Variants in PDE4B observed in about 807,000 individuals in gnomAD.
The protein encoded by PDE4B is phosphodiesterase 4B.
Under a neutral mutation model 82.2 loss-of-function variants are expected in PDE4B, and 20 were observed. That is an observed-to-expected ratio of 0.24 (90% CI 0.17 to 0.35). The LOEUF is 0.35. Ranked by LOEUF, PDE4B falls within the 10% of genes least tolerant of loss-of-function variation. The probability of loss-of-function intolerance (pLI) is 1.00; values close to 1 mark genes in which losing one functional copy is unlikely to be tolerated. For synonymous variants in PDE4B, 320 were observed against 318.9 expected (o/e 1.00, Z -0.04); for missense variants, 655 against 907.2 (o/e 0.72, Z 3.57).
intron 1 of PDE4B, among the ~76,000 whole-genome samples, chr1:65,892,481 C>T (rs989278144): frequency 6.6e-6 from 1 of 152,066 alleles, no homozygotes; most frequent in Admixed American, 6.6e-5. Context: ...TCTTGAAAGT[C>T]ATGATGTCTT....
intron 3 of PDE4B, among the ~76,000 whole-genome samples, chr1:66,208,935 A>G (rs1649793537): frequency 6.6e-6 from 1 of 152,184 alleles, no homozygotes; most frequent in Non-Finnish European, 1.5e-5. Context: ...TGTATGCCCA[A>G]ATTTCTTAAT....
chr1:66,372,739 G>T lies in PDE4B; in HGVS notation c.*61G>T. ...TGATGAGCATGCCAGCTATGTGGTAGGGCCAGCCCACCATGGGGGCCAAGA... is the reference window on the plus strand; with the variant it reads ...TGATGAGCATGCCAGCTATGTGGTATGGCCAGCCCACCATGGGGGCCAAGA... On this transcript the variant is annotated 3_prime_UTR_variant, in exon 17 of 17. Coordinates refer to ENST00000341517, the MANE Select transcript of PDE4B (RefSeq NM_002600.4). 6.5e-7 allele frequency: 1 copy of T among 1,540,966 alleles called. No individual in the cohort carries two copies. Among genetic ancestry groups the T allele is most frequent in the Non-Finnish European group, 8.8e-7 (1 of 1,139,004 alleles).
intron 3 of PDE4B, among the ~76,000 whole-genome samples, chr1:66,193,866 C>T (rs1290127103): frequency 6.6e-6 from 1 of 151,810 alleles, no homozygotes; most frequent in African/African-American, 2.4e-5. Flanking sequence ...AGTCACTGAG[C>T]TGGAAAGAAA....
chr1:65,808,527 T>G (rs1428535947), intron 1 of PDE4B, among the ~76,000 whole-genome samples: 1 of 152,186 alleles, frequency 6.6e-6, no homozygotes, highest in Non-Finnish European at 1.5e-5. Flanking sequence ...GAATAGTAAG[T>G]CTAGACAATT....
intron 1 of PDE4B, among the ~76,000 whole-genome samples, chr1:65,847,744 G>A (rs995599271): frequency 3.9e-5 from 6 of 152,166 alleles, no homozygotes; most frequent in African/African-American, 7.2e-5. Context: ...GGGAAAGTCC[G>A]GAAAGGTGGC....
At chr1:66,178,240 C>A (rs536380538) in intron 3 of PDE4B, among the ~76,000 whole-genome samples, 1 of 151,890 alleles carries the variant, frequency 6.6e-6, no homozygotes, top group Admixed American at 6.6e-5. Context: ...TACTCTATGC[C>A]AATTTAGGGT....
At chr1:66,116,580 C>T (rs111587213) in intron 3 of PDE4B, among the ~76,000 whole-genome samples, 4,330 of 152,196 alleles carry the variant, frequency 0.028, 222 homozygotes, top group African/African-American at 0.098. Context: ...GCCCACCACC[C>T]CATGCAAGAT....
intron 3 of PDE4B, among the ~76,000 whole-genome samples, chr1:66,104,045 G>T (rs549758812): frequency 6.6e-6 from 1 of 151,102 alleles, no homozygotes; most frequent in Non-Finnish European, 1.5e-5. Context: ...CCATTAACTC[G>T]TCATTTAGCA....
In PDE4B at chr1:66,188,528, G is replaced by A. The variant is rs567521998; in HGVS notation, c.282-58932G>A. Among the ~76,000 whole-genome samples, 4 of 152,002 alleles carry A rather than the reference G, an allele frequency of 2.6e-5. No homozygotes were observed. In the South Asian group the frequency reaches 8.4e-4, roughly 32 times the overall value. ...ATGAATCTGGGTGCTCCTGTATTGG[G>A]TGCATATATATTTAGGATAGTTAGC... On this transcript the variant is annotated intron_variant, in intron 3 of 16. Coordinates refer to ENST00000341517, the MANE Select transcript of PDE4B (RefSeq NM_002600.4).
chr1:66,304,438 T>A (rs899044375), intron 7 of PDE4B, among the ~76,000 whole-genome samples: 17 of 152,162 alleles, frequency 1.1e-4, no homozygotes, highest in Non-Finnish European at 2.9e-5. Flanking sequence ...ATCTTTCCTA[T>A]GTTCTCCATC....
In PDE4B at chr1:66,335,276, C is replaced by T. The variant is rs144192339; in HGVS notation, c.747+2656C>T. On this transcript the variant is annotated intron_variant, in intron 8 of 16. Coordinates refer to ENST00000341517, the MANE Select transcript of PDE4B (RefSeq NM_002600.4). ...TGTGTTCCTAGTTCTGTTTCAGCTA[C>T]GTGGCCACTAAGTTTTGTTTGCAAT... Among the ~76,000 whole-genome samples the T allele has an allele frequency of 1.8e-4, 27 of 152,302 alleles. No homozygotes were observed. The East Asian group carries it at 3.7e-3, about 21-fold the overall frequency.
chr1:65,911,976 T>C (rs1228753126), intron 1 of PDE4B, among the ~76,000 whole-genome samples: 2 of 151,954 alleles, frequency 1.3e-5, no homozygotes, highest in South Asian at 4.2e-4. Flanking sequence ...AATCTATATA[T>C]ATCTTCATGC....
intron 3 of PDE4B, among the ~76,000 whole-genome samples, chr1:66,240,826 T>C (rs1411918182): frequency 6.9e-6 from 1 of 144,516 alleles, no homozygotes; most frequent in African/African-American, 2.8e-5. Context: ...TCTAATCTTG[T>C]ACCTCAGGGA....
chr1:66,338,080 G>A (rs965896303), intron 8 of PDE4B, among the ~76,000 whole-genome samples: 5 of 152,230 alleles, frequency 3.3e-5, no homozygotes, highest in African/African-American at 1.2e-4. Context: ...ACAGGTGTAT[G>A]CAAACATTGT....
intron 1 of PDE4B, among the ~76,000 whole-genome samples, chr1:65,821,891 A>G (rs771117556): frequency 6.6e-6 from 1 of 152,246 alleles, no homozygotes; most frequent in Non-Finnish European, 1.5e-5. Context: ...AAAGTACAAT[A>G]TAAAATAGAA....
intron 3 of PDE4B, among the ~76,000 whole-genome samples, chr1:66,012,800 G>T (rs1652559784): frequency 6.6e-6 from 1 of 152,128 alleles, no homozygotes; most frequent in Non-Finnish European, 1.5e-5. Context: ...TTCTAGCAAG[G>T]TCTTTTTATG....
At chr1:65,888,269 T>C (rs769322798) in intron 1 of PDE4B, among the ~76,000 whole-genome samples, 18 of 152,144 alleles carry the variant, frequency 1.2e-4, no homozygotes, top group Admixed American at 1.1e-3. Context: ...AATACGTGAA[T>C]TTATTTCTGG....
At chr1:65,989,938 C>T (rs1569900557) in intron 3 of PDE4B, among the ~76,000 whole-genome samples, 1 of 147,966 alleles carries the variant, frequency 6.8e-6, no homozygotes, top group East Asian at 2.0e-4. Flanking sequence ...AACTTTCCTC[C>T]TCTTGCCTTA....
chr1:66,122,537 G>T (rs1007507679), intron 3 of PDE4B, among the ~76,000 whole-genome samples: 1 of 151,942 alleles, frequency 6.6e-6, no homozygotes, highest in Non-Finnish European at 1.5e-5. Context: ...TGATTAAGTG[G>T]GTTAATTTTA....
Sources: gnomAD v4.1 joint callset for allele counts (sites outside exome capture counted in the v4.1 genomes callset) on GRCh38, gnomAD v4.1.1 for gene constraint, MANE v1.5 for transcripts, NCBI Gene and HGNC (gene_info 2026-07-23, HGNC 2026-07-21) for gene names.